The following TCF7L2 variants were observed in gnomAD, a reference collection of about 807,000 sequenced individuals.
TCF7L2 encodes transcription factor 7 like 2.
TCF7L2 carries 23 observed loss-of-function variants against 77.9 expected under a neutral mutation model. That is an observed-to-expected ratio of 0.30 (90% CI 0.21 to 0.42). The LOEUF is 0.42. Among genes scored for constraint, TCF7L2 ranks in the 10% least tolerant of loss-of-function variants. TCF7L2 has a pLI of 1.00. For synonymous variants in TCF7L2, 413 were observed against 340.2 expected (o/e 1.21, Z -2.36); for missense variants, 654 against 793.1 (o/e 0.82, Z 2.11).
intron 4 of TCF7L2, among the ~76,000 whole-genome samples, chr10:112,967,534 A>G (rs1208754879): frequency 6.6e-6 from 1 of 152,202 alleles, no homozygotes; most frequent in Non-Finnish European, 1.5e-5. Context: ...TACTTTTGAC[A>G]GCCTCCTAGC....
chr10:113,022,273 C>T (rs1004028007), intron 4 of TCF7L2, among the ~76,000 whole-genome samples: 2 of 152,218 alleles, frequency 1.3e-5, no homozygotes, highest in African/African-American at 4.8e-5. Flanking sequence ...GCTGATTGTG[C>T]TCTGTGTGTC....
In TCF7L2 at chr10:113,147,927, C is replaced by T. The variant is rs527576860; in HGVS notation, c.875+1830C>T. Among the ~76,000 whole-genome samples the T allele has an allele frequency of 4.6e-5, 7 of 152,192 alleles. 1 individual carries two copies. In the South Asian group the frequency reaches 1.5e-3, roughly 32 times the overall value. On this transcript the variant is annotated intron_variant, in intron 8 of 13. Transcript: ENST00000627217. ...GGCCTCAAGGTGCGGGGAGAGGCGG[C>T]CGACTCCCCAGGTAGGCCAAATGAA...
chr10:113,016,267 G>T (rs562073580), intron 4 of TCF7L2, among the ~76,000 whole-genome samples: 1 of 152,002 alleles, frequency 6.6e-6, no homozygotes, highest in Admixed American at 6.6e-5. Context: ...GGGTTTTGCC[G>T]TGTTGTCCAA....
chr10:113,082,349 C>T (rs2059398087), intron 5 of TCF7L2, among the ~76,000 whole-genome samples: 1 of 117,846 alleles, frequency 8.5e-6, no homozygotes, highest in Admixed American at 8.8e-5. Flanking sequence ...AAAAAATTAT[C>T]TTTACCCATT....
chr10:112,975,870 C>G (rs2039326299), intron 4 of TCF7L2, among the ~76,000 whole-genome samples: 1 of 152,230 alleles, frequency 6.6e-6, no homozygotes, highest in South Asian at 2.1e-4. Flanking sequence ...GAAAATATCT[C>G]TAGACATTGC....
chr10:113,034,093 A>G (rs2050714415), intron 4 of TCF7L2, among the ~76,000 whole-genome samples: 1 of 152,226 alleles, frequency 6.6e-6, no homozygotes, highest in South Asian at 2.1e-4. Flanking sequence ...TCCATTTCTG[A>G]GAAATGAGGT....
chr10:113,061,105 T>A (rs1300932061), intron 5 of TCF7L2, among the ~76,000 whole-genome samples: 4 of 152,132 alleles, frequency 2.6e-5, no homozygotes, highest in African/African-American at 9.7e-5. Flanking sequence ...TATTTAAGCC[T>A]CCAACCTTGT....
intron 6 of TCF7L2, among the ~76,000 whole-genome samples, chr10:113,141,729 A>G (rs2068416890): frequency 1.3e-5 from 2 of 152,204 alleles, no homozygotes; most frequent in South Asian, 4.1e-4. Flanking sequence ...ATGAGACAGC[A>G]TGGCTTTCCA....
At chr10:112,959,703 A>G (rs2134427130) in intron 3 of TCF7L2, among the ~76,000 whole-genome samples, 1 of 152,294 alleles carries the variant, frequency 6.6e-6, no homozygotes, top group South Asian at 2.1e-4. Context: ...AAGGGCAGGC[A>G]GTCACCCAAA....
intron 5 of TCF7L2, among the ~76,000 whole-genome samples, chr10:113,076,380 C>T (rs1035430110): frequency 6.6e-6 from 1 of 152,154 alleles, no homozygotes; most frequent in Admixed American, 6.5e-5. Context: ...TCAAGTGATC[C>T]TTTTGCCTTT....
At chr10:113,001,885 G>A (rs569323827) in intron 4 of TCF7L2, among the ~76,000 whole-genome samples, 1 of 152,314 alleles carries the variant, frequency 6.6e-6, no homozygotes, top group African/African-American at 2.4e-5. Flanking sequence ...TTGAAACCCA[G>A]CACTACCTTG....
At chr10:113,018,128 G>T (rs1208371519) in intron 4 of TCF7L2, among the ~76,000 whole-genome samples, 1 of 152,154 alleles carries the variant, frequency 6.6e-6, no homozygotes, top group Non-Finnish European at 1.5e-5. Flanking sequence ...GACTGTTGAG[G>T]TAACACATAC....
chr10:113,061,288 T>G (rs1331162460), intron 5 of TCF7L2, among the ~76,000 whole-genome samples: 1 of 152,274 alleles, frequency 6.6e-6, no homozygotes, highest in African/African-American at 2.4e-5. Context: ...GCAAAGAGCT[T>G]ATGGATGACA....
intron 4 of TCF7L2, among the ~76,000 whole-genome samples, chr10:112,985,583 T>C (rs1024072161): frequency 6.6e-6 from 1 of 152,220 alleles, no homozygotes; most frequent in African/African-American, 2.4e-5. Flanking sequence ...TTCCTTAAAT[T>C]GGATTTCAAT....
chr10:113,056,705 A>C (rs2055436032), intron 5 of TCF7L2, among the ~76,000 whole-genome samples: 1 of 152,204 alleles, frequency 6.6e-6, no homozygotes, highest in Non-Finnish European at 1.5e-5. Flanking sequence ...TTTGATCCCT[A>C]ATCCATAGCA....
At position 112,991,181 on chromosome 10, in the gene TCF7L2, G is replaced by A. The variant is rs374041373; in HGVS notation, c.450+26557G>A. Among the ~76,000 whole-genome samples, 3 of 152,136 alleles carry A rather than the reference G, an allele frequency of 2.0e-5. No individual in the cohort carries two copies. In the South Asian group the frequency reaches 6.2e-4, roughly 31 times the overall value. The stretch of plus-strand genomic sequence containing the variant: ...AGCTAACAGAGATCTTGCTAGGGGG[G>A]TGGAATCCTGTATCCATGTGAGGTT... On this transcript the variant is annotated intron_variant, in intron 4 of 13. Transcript: ENST00000627217.
rs534013239 is a variant in TCF7L2 at position 112,997,464 on chromosome 10, T to G, written c.450+32840T>G. ...GAGGGGTTGGGGTCCCCCTGTGAGA[T>G]AGTGAAACAATGGTAGTGCCATCCA... On this transcript the variant is annotated intron_variant, in intron 4 of 13. Coordinates refer to ENST00000627217, the MANE Select transcript of TCF7L2 (RefSeq NM_001146274.2). Among the ~76,000 whole-genome samples the G allele has an allele frequency of 3.3e-5, 5 of 152,298 alleles. No individual in the cohort carries two copies. The South Asian group carries it at 8.3e-4, about 25-fold the overall frequency.
At chr10:112,989,767 G>A (rs1346581498) in intron 4 of TCF7L2, among the ~76,000 whole-genome samples, 1 of 152,212 alleles carries the variant, frequency 6.6e-6, no homozygotes, top group East Asian at 1.9e-4. Flanking sequence ...TTGGACCAAG[G>A]TGGGGTAGAT....
chr10:113,155,546 A>T (rs1451893095), intron 11 of TCF7L2, among the ~76,000 whole-genome samples: 2 of 152,210 alleles, frequency 1.3e-5, no homozygotes. Flanking sequence ...TTCAGTAGTC[A>T]ACATCTCCGT....
Sources: allele counts gnomAD v4.1 joint callset (sites outside exome capture counted in the v4.1 genomes callset), GRCh38; gene constraint gnomAD v4.1.1; transcripts MANE v1.5; gene names NCBI Gene and HGNC (gene_info 2026-07-23, HGNC 2026-07-21).